Variants in TAB2 observed in about 807,000 individuals in gnomAD.
The protein encoded by TAB2 is TGF-beta activated kinase 1 (MAP3K7) binding protein 2.
A neutral mutation model predicts 65.0 loss-of-function variants in TAB2; 3 were observed. That is an observed-to-expected ratio of 0.05 (90% CI 0.02 to 0.12). The LOEUF is 0.12. Among genes scored for constraint, TAB2 ranks in the 10% least tolerant of loss-of-function variants. The pLI is 1.00. For missense variants in TAB2, 623 were observed against 840.3 expected (o/e 0.74, Z 3.20); for synonymous variants, 298 against 285.1 (o/e 1.05, Z -0.46).
intron 3 of TAB2, among the ~76,000 whole-genome samples, chr6:149,393,895 C>T (rs1438163009): frequency 2.0e-5 from 3 of 151,854 alleles, no homozygotes; most frequent in Non-Finnish European, 2.9e-5. Flanking sequence ...TCAAGATTTT[C>T]TTTCTTTGGT....
At chr6:149,393,028 T>C (rs1782045355) in intron 3 of TAB2, among the ~76,000 whole-genome samples, 1 of 152,204 alleles carries the variant, frequency 6.6e-6, no homozygotes, top group South Asian at 2.1e-4. Context: ...TTCCCTGTAG[T>C]TCATCTTTCT....
chr6:149,401,804 A>G (rs1218392329), intron 6 of TAB2, among the ~76,000 whole-genome samples: 3 of 152,188 alleles, frequency 2.0e-5, no homozygotes, highest in Admixed American at 6.5e-5. Context: ...ACTAGAAATC[A>G]GTAACAGCAA....
chr6:149,247,160 G>A (rs565689167), intron 1 of TAB2: 6 of 152,268 alleles, frequency 3.9e-5, no homozygotes, highest in African/African-American at 1.2e-4. Context: ...TCGTAAGTGT[G>A]AGCTCCCTGA....
chr6:149,380,185 G>A (rs558350341), intron 3 of TAB2: 1 of 232,378 alleles, frequency 4.3e-6, no homozygotes, highest in Admixed American at 5.6e-5. Flanking sequence ...AGGTTAGAGT[G>A]AACTGTGACC....
intron 1 of TAB2, among the ~76,000 whole-genome samples, chr6:149,368,215 G>A (rs1781102254): frequency 6.6e-6 from 1 of 152,116 alleles, no homozygotes; most frequent in Non-Finnish European, 1.5e-5. Context: ...GAAGCCACAT[G>A]AAGAAATTGT....
chr6:149,229,711 T>C (rs779610951), intron 1 of TAB2, among the ~76,000 whole-genome samples: 2 of 152,092 alleles, frequency 1.3e-5, no homozygotes, highest in African/African-American at 2.4e-5. Flanking sequence ...TCTCCTGTAC[T>C]CTCTCTGGGT....
intron 1 of TAB2, among the ~76,000 whole-genome samples, chr6:149,241,291 C>T (rs1461108061): frequency 6.6e-6 from 1 of 152,166 alleles, no homozygotes; most frequent in East Asian, 1.9e-4. Context: ...TTAATAGTTA[C>T]ACTTGATGAT....
intron 1 of TAB2, among the ~76,000 whole-genome samples, chr6:149,239,217 T>C (rs1777552943): frequency 6.6e-6 from 1 of 152,176 alleles, no homozygotes; most frequent in Non-Finnish European, 1.5e-5. Flanking sequence ...TCAACACAAT[T>C]GTCATATGAT....
intron 1 of TAB2, among the ~76,000 whole-genome samples, chr6:149,268,204 G>A (rs1199458247): frequency 1.3e-5 from 2 of 152,152 alleles, no homozygotes; most frequent in Admixed American, 6.5e-5. Flanking sequence ...ATAGTGCTAA[G>A]GGCCCAGGCT....
At chr6:149,275,361 G>A (rs1002968141) in intron 1 of TAB2, among the ~76,000 whole-genome samples, 3 of 151,958 alleles carry the variant, frequency 2.0e-5, no homozygotes, top group Non-Finnish European at 4.4e-5. Context: ...ACAGGCACTC[G>A]CCAACGAAAG....
chr6:149,232,987 C>T (rs775900949), intron 1 of TAB2, among the ~76,000 whole-genome samples: 3 of 152,120 alleles, frequency 2.0e-5, no homozygotes, highest in Admixed American at 6.5e-5. Context: ...ACATCCTGGC[C>T]AGGAGTACCC....
upstream of TAB2, among the ~76,000 whole-genome samples, chr6:149,316,972 C>G (rs886946136): frequency 6.6e-6 from 1 of 151,510 alleles, no homozygotes; most frequent in Non-Finnish European, 1.5e-5. Context: ...TGTCCCGGAC[C>G]GCAGCGACCC....
In TAB2 at chr6:149,310,568, ATT is replaced by A. The variant is rs1562409056; in HGVS notation, c.-120-67443_-120-67442del. On this transcript the variant is annotated intron_variant, in intron 1 of 1. Transcript: ENST00000606202. ...TAATAGGCTGGAAAATAATATATAT[ATT>A]TTTTTTAAAATTGCATTTACATGAT... Among the ~76,000 whole-genome samples, 163 of 140,438 alleles carry A rather than the reference ATT, an allele frequency of 1.2e-3. 3 individuals carry two copies. The highest frequency in any genetic ancestry group is 3.8e-3 in the African/African-American group (139 of 36,580). The allele number at this position is 140,438 out of a possible 152,430, so 92.1% of individuals were successfully genotyped here.
chr6:149,355,480 A>G (rs1780625154), intron 1 of TAB2, among the ~76,000 whole-genome samples: 1 of 152,034 alleles, frequency 6.6e-6, no homozygotes, highest in Non-Finnish European at 1.5e-5. Context: ...AGCCTGGCCA[A>G]CGTGGAGAAA....
intron 1 of TAB2, among the ~76,000 whole-genome samples, chr6:149,311,506 G>T (rs923380214): frequency 7.2e-5 from 11 of 152,164 alleles, no homozygotes; most frequent in African/African-American, 2.7e-4. Context: ...TATGGTGAAG[G>T]GACCCAGTGT....
At chr6:149,333,888 G>A (rs971711605) in intron 1 of TAB2, among the ~76,000 whole-genome samples, 2 of 152,068 alleles carry the variant, frequency 1.3e-5, no homozygotes, top group Non-Finnish European at 2.9e-5. Context: ...GCATCTCAGG[G>A]AATAAGGAAA....
chr6:149,223,736 A>ATGCT (rs1205608910), intron 1 of TAB2, among the ~76,000 whole-genome samples: 2 of 152,142 alleles, frequency 1.3e-5, no homozygotes, highest in Non-Finnish European at 2.9e-5. Flanking sequence ...TGATTTAGTG[A>ATGCT]TGCTTTCAAT....
At chr6:149,408,965 T>A (rs1482200553) in intron 6 of TAB2, among the ~76,000 whole-genome samples, 2 of 152,332 alleles carry the variant, frequency 1.3e-5, no homozygotes, top group Non-Finnish European at 2.9e-5. Flanking sequence ...CAACTCTCAA[T>A]TCTAGTGTTC....
chr6:149,230,703 C>G (rs1378056960), intron 1 of TAB2, among the ~76,000 whole-genome samples: 1 of 152,144 alleles, frequency 6.6e-6, no homozygotes. Context: ...ACAGGGAAAT[C>G]TGTAAATTGG....
Sources: gnomAD v4.1 joint callset for allele counts (sites outside exome capture counted in the v4.1 genomes callset) on GRCh38, gnomAD v4.1.1 for gene constraint, MANE v1.5 for transcripts, NCBI Gene and HGNC (gene_info 2026-07-23, HGNC 2026-07-21) for gene names.